CTC1: variants seen among roughly 807,000 people sequenced by gnomAD.
CTC1 encodes CST complex subunit CTC1.
CTC1 carries 91 observed loss-of-function variants against 136.3 expected under a neutral mutation model. The ratio of observed to expected loss-of-function variants is 0.67; its 90% CI spans 0.56 to 0.79. CTC1 has a LOEUF of 0.79. Ranked by LOEUF, CTC1 falls within the 30% of genes least tolerant of loss-of-function variation. The pLI is 0.00. For missense variants in CTC1, 1,432 were observed against 1,498.1 expected (o/e 0.96, Z 0.73); for synonymous variants, 606 against 613.8 (o/e 0.99, Z 0.19).
rs1283839589 is a variant in CTC1 at position 8,235,082 on chromosome 17, A to G, written c.1410T>C (p.Ala470=). The change falls in exon 8 of 23, where the codon GCT becomes GCC. Residue 470 remains alanine, a synonymous_variant. Transcript: ENST00000651323. Reference sequence around the variant, plus strand: ...AGGCCAGCTCCTCCAGGGCCTTGGTAGCCCACAGGTAGAGGGGAAGTCCTA... The same window carrying G: ...AGGCCAGCTCCTCCAGGGCCTTGGTGGCCCACAGGTAGAGGGGAAGTCCTA... ...RQLGLPLYLW[A]TKALEELACK... 6.2e-7 allele frequency: 1 copy of G among 1,614,140 alleles called. No homozygotes were observed. The highest frequency in any genetic ancestry group is 8.5e-7 in the Non-Finnish European group (1 of 1,180,010).
rs1289149953 is a variant in CTC1 at position 8,243,075 on chromosome 17, A to G, written c.107T>C (p.Val36Ala). ...ATCAATTACCAATGGAGTCAACTGG[A>G]CATTAGGCTCCTTGACAGCTGGACA... ...TLCPAVKEPN[V>A]QLTPLVIDCV... Residue 36 changes from valine (V) to alanine (A), a missense_variant, in exon 2 of 23, where the codon GTC becomes GCC. Transcript: ENST00000651323. 3 of 1,613,966 alleles carry G rather than the reference A, an allele frequency of 1.9e-6. No homozygotes were observed. Among genetic ancestry groups the G allele is most frequent in the South Asian group, 1.1e-5 (1 of 91,052 alleles).
In CTC1 at chr17:8,231,257, G is replaced by A; in HGVS notation, c.2669+19C>T. 6.7e-7 allele frequency: 1 copy of A among 1,493,534 alleles called. No individual in the cohort carries two copies. The highest frequency in any genetic ancestry group is 9.0e-7 in the Non-Finnish European group (1 of 1,114,160). 92.5% of individuals were successfully genotyped at this position (1,493,534 alleles called of 1,614,324 possible). A position where few individuals can be genotyped will look rare whatever the true frequency, so the allele number is the denominator to read the frequency against. ...GAGAGAGTGGCCAAATTAACCAGAG[G>A]GGCTTGGTGGACATTTACTTGTCAC... On this transcript the variant is annotated intron_variant, in intron 15 of 22. Coordinates refer to ENST00000651323, the MANE Select transcript of CTC1 (RefSeq NM_025099.6).
At position 8,229,306 on chromosome 17, in the gene CTC1, C is replaced by CG; in HGVS notation, c.3151dup (p.Arg1051ProfsTer39). 2 of 1,614,174 alleles carry CG rather than the reference C, an allele frequency of 1.2e-6. No individual in the cohort carries two copies. Among genetic ancestry groups the CG allele is most frequent in the Non-Finnish European group, 1.7e-6 (2 of 1,180,032 alleles). On this transcript the variant is annotated frameshift_variant, in exon 19 of 23. Coordinates refer to ENST00000651323, the MANE Select transcript of CTC1 (RefSeq NM_025099.6). LOFTEE classifies it high-confidence loss of function. The stretch of plus-strand genomic sequence containing the variant: ...CCTGTTCCTTCCCTCCCTTACCTGC[C>CG]GGCAGATGCTGGTACAATAAGCACA...
rs1003628667 is a variant in CTC1, at chr17:8,226,994, C to T, written c.*1186G>A. ...CACACAAAAAAAAGCCACCCACTGGCCCGTACGGGGTTCGAACCCGCGACC... is the reference window on the plus strand; with the variant it reads ...CACACAAAAAAAAGCCACCCACTGGTCCGTACGGGGTTCGAACCCGCGACC... On this transcript the variant is annotated 3_prime_UTR_variant, in exon 23 of 23. Transcript: ENST00000651323. The T allele has an allele frequency of 6.6e-6, 1 of 152,622 alleles. No individual in the cohort carries two copies. Among genetic ancestry groups the T allele is most frequent in the East Asian group, 1.9e-4 (1 of 5,200 alleles). The allele number at this position is 152,622 out of a possible 1,614,324, so 9.5% of individuals were successfully genotyped here. A position where few individuals can be genotyped will look rare whatever the true frequency, so the allele number is the denominator to read the frequency against.
chr17:8,239,679 C>T (rs960776947), intron 2 of CTC1, among the ~76,000 whole-genome samples: 3 of 152,102 alleles, frequency 2.0e-5, no homozygotes, highest in African/African-American at 4.8e-5. Context: ...GCCTCAGCCT[C>T]CCAAAGTGCT....
chr17:8,240,497 T>C (rs1475745894), intron 2 of CTC1, among the ~76,000 whole-genome samples: 1 of 151,600 alleles, frequency 6.6e-6, no homozygotes, highest in African/African-American at 2.4e-5. Flanking sequence ...TGGACAAGAA[T>C]TATAGGAAAA....
chr17:8,241,392 G>A (rs1332667980), intron 2 of CTC1, among the ~76,000 whole-genome samples: 1 of 152,002 alleles, frequency 6.6e-6, no homozygotes, highest in Non-Finnish European at 1.5e-5. Flanking sequence ...AGACCGAGAC[G>A]GCAGATCACC....
chr17:8,235,785 G>C, intron 7 of CTC1, 46 bp downstream of exon 7: 1 of 1,542,150 alleles, frequency 6.5e-7, no homozygotes, highest in Non-Finnish European at 8.8e-7. Context: ...GAAGGTAAGA[G>C]AAGCTGCAGA....
chr17:8,238,048 G>C lies in CTC1; in HGVS notation c.630C>G (p.Ser210=), dbSNP rs750601480. Residue 210 remains serine (S), a synonymous_variant, in exon 4 of 23, where the codon TCC becomes TCG. Transcript: ENST00000651323. ...PIPVLYPESA[S]CLLRLRNKLR... ...GAAATTACCTGAGCCTGAGCAGGCA[G>C]GAAGCACTCTCTGGGTAGAGGACAG... 45 of 1,613,600 alleles carry C rather than the reference G, an allele frequency of 2.8e-5. No individual in the cohort carries two copies. Among genetic ancestry groups the C allele is most frequent in the Admixed American group, 5.0e-5 (3 of 59,976 alleles).
intron 1 of CTC1, among the ~76,000 whole-genome samples, chr17:8,245,917 G>A (rs1457936611): frequency 1.5e-5 from 2 of 136,766 alleles, no homozygotes; most frequent in Non-Finnish European, 3.1e-5. Context: ...AAAATTAGCT[G>A]GATTAGCCTG....
intron 5 of CTC1, 86 bp from the exon 6 acceptor site, chr17:8,236,428 T>A: frequency 1.4e-6 from 2 of 1,397,148 alleles, no homozygotes; most frequent in Non-Finnish European, 1.9e-6. Flanking sequence ...CGATTTGAAC[T>A]CAGAGACCTG....
At chr17:8,234,300 G>C (rs1485434096) in intron 10 of CTC1, among the ~76,000 whole-genome samples, 155 bp downstream of exon 10, 1 of 152,256 alleles carries the variant, frequency 6.6e-6, no homozygotes, top group African/African-American at 2.4e-5. Flanking sequence ...TTGCTGCAGA[G>C]AGAATGAATT....
At position 8,230,285 on chromosome 17, in the gene CTC1, C is replaced by T. The variant is rs771460597; in HGVS notation, c.2933+9G>A. ...GCAAGAGGAGGCAGGTGACACTACA[C>T]ATCTTCACCTGGAAACCCTTTTCTC... On this transcript the variant is annotated intron_variant, in intron 17 of 22. Coordinates refer to ENST00000651323, the MANE Select transcript of CTC1 (RefSeq NM_025099.6). 6.2e-7 allele frequency: 1 copy of T among 1,606,454 alleles called. No individual in the cohort carries two copies. The highest frequency in any genetic ancestry group is 8.5e-7 in the Non-Finnish European group (1 of 1,176,958).
chr17:8,230,833 G>C (rs1255774320), intron 15 of CTC1, 182 bp from the exon 16 acceptor site: 115 of 603,580 alleles, frequency 1.9e-4, no homozygotes, highest in Non-Finnish European at 4.1e-5. Context: ...GGAAAAAGAG[G>C]GTTGTGGCAG....
In CTC1 at chr17:8,234,424, A is replaced by G. The variant is rs192225811; in HGVS notation, c.1818+31T>C. On this transcript the variant is annotated intron_variant, in intron 10 of 22. Coordinates refer to ENST00000651323, the MANE Select transcript of CTC1 (RefSeq NM_025099.6). ...GGCAATAAGGATGACAAAAAGGGAA[A>G]TCACCTGAGCCCTGCTAGGGTCCCC... 5.2e-6 allele frequency: 8 copies of G among 1,546,518 alleles called. No individual in the cohort carries two copies. The East Asian group carries it at 2.0e-4, about 38-fold the overall frequency.
intron 2 of CTC1, among the ~76,000 whole-genome samples, chr17:8,241,120 C>G (rs1396210986): frequency 6.6e-6 from 1 of 151,990 alleles, no homozygotes; most frequent in African/African-American, 2.4e-5. Context: ...AAAACCCCAT[C>G]TCTGCAAAAA....
In CTC1 at chr17:8,237,442, T is replaced by C; in HGVS notation, c.725A>G (p.Lys242Arg). ...ACCAAGAGACAGGATGAAGTAAGCT[T>C]TCTGTTTACTTTTCACCAGAGCACT... ...RLSALVKSKQ[K>R]AYFILSLGRS... The change falls in exon 5 of 23, where the codon AAA (lysine) becomes AGA (arginine). Residue 242 changes from lysine (K) to arginine (R), a missense_variant. Physicochemically the swap from Lys to Arg is conservative, Grantham distance 26 (BLOSUM62 2). Coordinates refer to ENST00000651323, the MANE Select transcript of CTC1 (RefSeq NM_025099.6). The C allele has an allele frequency of 6.2e-7, 1 of 1,612,662 alleles. No homozygotes were observed. The highest frequency in any genetic ancestry group is 8.5e-7 in the Non-Finnish European group (1 of 1,178,920).
intron 10 of CTC1, 32 bp from the exon 11 acceptor site, chr17:8,233,064 GT>G: frequency 1.2e-6 from 2 of 1,606,782 alleles, no homozygotes; most frequent in Non-Finnish European, 1.7e-6. Context: ...GTTATCAAAT[GT>G]TTATTCAGCA....
Position 8,232,441 on chromosome 17 carries a change from G to C in CTC1, c.1980C>G (p.Ile660Met). ...CLVRAERFQLIVERDVRSSFP... is the reference protein window; with the variant it reads ...CLVRAERFQLMVERDVRSSFP... ...AGCTGCTTCTCACGTCCCTCTCTAC[G>C]ATCAACTGAAACCTCTCTGCCCGCA... is the stretch of plus-strand genomic sequence containing the variant. Residue 660 changes from isoleucine to methionine, a missense_variant, in exon 12 of 23, where the codon ATC (isoleucine) becomes ATG (methionine). Ile to Met is a conservative substitution (Grantham distance 10). Transcript: ENST00000651323. 1 of 1,614,034 alleles carries C rather than the reference G, an allele frequency of 6.2e-7. No homozygotes were observed.
Sources: gnomAD v4.1 joint callset for allele counts (sites outside exome capture counted in the v4.1 genomes callset) on GRCh38, gnomAD v4.1.1 for gene constraint, MANE v1.5 for transcripts, NCBI Gene and HGNC (gene_info 2026-07-23, HGNC 2026-07-21) for gene names.